The following CILP2 variants were observed in gnomAD, a reference collection of about 807,000 sequenced individuals.
The protein encoded by CILP2 is cartilage intermediate layer protein 2, also known as CILP-2.
CILP2 carries 38 observed loss-of-function variants against 45.6 expected under a neutral mutation model. That is an observed-to-expected ratio of 0.83 (90% CI 0.64 to 1.09). The LOEUF (loss-of-function observed/expected upper bound fraction) is 1.09, where lower values mean the gene tolerates loss of function less well. CILP2 is among the 50% of genes least tolerant of loss of function. The pLI is 0.00. For synonymous variants in CILP2, 780 were observed against 723.5 expected (o/e 1.08, Z -1.25); for missense variants, 1,735 against 1,662.2 (o/e 1.04, Z -0.76).
rs755652073 is a variant in CILP2 at position 19,545,725 on chromosome 19, C to T, written c.3180C>T (p.Gly1060=). 1.3e-5 allele frequency: 21 copies of T among 1,613,032 alleles called. No individual in the cohort carries two copies. In the South Asian group the frequency reaches 1.3e-4, roughly 10 times the overall value. ...APLDPLGHNY[G]VYTVTDQSPR... is the part of the protein sequence containing the mutation. ...TAGACCCTCTGGGCCACAACTATGGCGTCTACACTGTCACTGACCAGAGCC... is the reference window on the plus strand; with the variant it reads ...TAGACCCTCTGGGCCACAACTATGGTGTCTACACTGTCACTGACCAGAGCC... Residue 1060 remains glycine (G), a synonymous_variant, in exon 8 of 8, where the codon GGC becomes GGT. Transcript: ENST00000291495.
At chr19:19,539,579 AAG>A in intron 1 of CILP2, 98 bp from the exon 2 acceptor site, 16 of 652,660 alleles carry the variant, frequency 2.5e-5, no homozygotes, top group South Asian at 6.8e-5. Context: ...AAAAAAAAAA[AAG>A]GGGGGGGATG....
intron 3 of CILP2, chr19:19,540,836 A>C: frequency 7.2e-6 from 3 of 414,298 alleles, no homozygotes; most frequent in Non-Finnish European, 1.3e-5. Flanking sequence ...TGCAGGATGC[A>C]GGGAGAAAAG....
Position 19,544,010 on chromosome 19 carries a change from C to G in CILP2, c.1465C>G (p.Arg489Gly), listed in dbSNP as rs1291921849. Residue 489 changes from arginine to glycine, a missense_variant, in exon 8 of 8, where the codon CGC becomes GGC. Transcript: ENST00000291495. ...VVAADSGEPL[R>G]FARILLGQEP... ...GGCTGCTGACTCCGGGGAGCCGCTA[C>G]GCTTCGCCAGGATTCTGCTGGGCCA... 6 of 1,613,614 alleles carry G rather than the reference C, an allele frequency of 3.7e-6. No homozygotes were observed. The highest frequency in any genetic ancestry group is 5.1e-6 in the Non-Finnish European group (6 of 1,179,844).
Position 19,546,000 on chromosome 19 carries a change from G to T in CILP2, c.3455G>T (p.Gly1152Val), listed in dbSNP as rs1367517065. Reference sequence around the variant, plus strand: ...TCAGGTCCCCTCCGCACCCGCCGGGGTAGGGTCCGGCAGTGACCTGGGCAG... The same window carrying T: ...TCAGGTCCCCTCCGCACCCGCCGGGTTAGGGTCCGGCAGTGACCTGGGCAG... Reference protein sequence around the residue: ...RASGPLRTRRGRVRQ With the variant: ...RASGPLRTRRVRVRQ Residue 1152 changes from glycine to valine, a missense_variant, in exon 8 of 8, where the codon GGT becomes GTT. Physicochemically the swap from Gly to Val is moderately radical, Grantham distance 109. Coordinates refer to ENST00000291495, the MANE Select transcript of CILP2 (RefSeq NM_153221.2). 21 of 1,493,370 alleles carry T rather than the reference G, an allele frequency of 1.4e-5. No homozygotes were observed. The highest frequency in any genetic ancestry group is 1.6e-5 in the Non-Finnish European group (18 of 1,122,234). 92.5% of individuals were successfully genotyped at this position (1,493,370 alleles called of 1,614,324 possible).
Position 19,540,315 on chromosome 19 carries a change from G to A in CILP2, c.275G>A (p.Arg92Gln), listed in dbSNP as rs1167751390. 2.5e-6 allele frequency: 4 copies of A among 1,580,914 alleles called. No homozygotes were observed. The highest frequency in any genetic ancestry group is 1.1e-5 in the South Asian group (1 of 88,088). The change falls in exon 3 of 8, where the codon CGA becomes CAA. Residue 92 changes from arginine to glutamine, a missense_variant. Coordinates refer to ENST00000291495, the MANE Select transcript of CILP2 (RefSeq NM_153221.2). ...TACGGGCCAGCGCGCGTGTGCCCGC[G>A]ACCGCTGGCGCTGGAAGCGCGCACC... Reference protein sequence around the residue: ...FYYGPARVCPRPLALEARTTD... With the variant: ...FYYGPARVCPQPLALEARTTD...
chr19:19,545,243 G>C lies in CILP2; in HGVS notation c.2698G>C (p.Ala900Pro). Residue 900 changes from alanine (A) to proline (P), a missense_variant, in exon 8 of 8, where the codon GCC (alanine) becomes CCC (proline). Transcript: ENST00000291495. ...GGTGACTGCCAGCCACTTCCGCTTCGCCAGGGTGGAGGCGGACAAGTACGA... is the reference window on the plus strand; with the variant it reads ...GGTGACTGCCAGCCACTTCCGCTTCCCCAGGGTGGAGGCGGACAAGTACGA... ...APVTASHFRF[A>P]RVEADKYEYN... 1 of 1,612,374 alleles carries C rather than the reference G, an allele frequency of 6.2e-7. No individual in the cohort carries two copies. Among genetic ancestry groups the C allele is most frequent in the Non-Finnish European group, 8.5e-7 (1 of 1,179,512 alleles).
chr19:19,538,306 A>T lies in CILP2; in HGVS notation c.-44A>T, dbSNP rs1484818115. 3.3e-6 allele frequency: 5 copies of T among 1,534,128 alleles called. No individual in the cohort carries two copies. The stretch of plus-strand genomic sequence containing the variant: ...AGACCCGCCGGAGTTGGACCCGAGC[A>T]CGCCGCGGAGCCCGGACCCTCCCTC... On this transcript the variant is annotated 5_prime_UTR_variant, in exon 1 of 8. Transcript: ENST00000291495.
rs147927361 is a variant in CILP2 at position 19,543,318 on chromosome 19, C to T, written c.1048C>T (p.Arg350Cys). The T allele has an allele frequency of 1.1e-4, 184 of 1,613,570 alleles. No homozygotes were observed. The highest frequency in any genetic ancestry group is 1.4e-4 in the Non-Finnish European group (164 of 1,179,996). ...YGAHLELRGLRPDQAGIYHCK... is the reference protein window; with the variant it reads ...YGAHLELRGLCPDQAGIYHCK... ...GGCCCACCTGGAGCTGCGGGGACTGCGCCCAGACCAGGCTGGCATCTACCA... is the reference window on the plus strand; with the variant it reads ...GGCCCACCTGGAGCTGCGGGGACTGTGCCCAGACCAGGCTGGCATCTACCA... Residue 350 changes from arginine (R) to cysteine (C), a missense_variant, in exon 7 of 8, where the codon CGC (arginine) becomes TGC (cysteine). Transcript: ENST00000291495.
chr19:19,545,641 C>T lies in CILP2; in HGVS notation c.3096C>T (p.Thr1032=). Residue 1032 remains threonine (T), a synonymous_variant, in exon 8 of 8, where the codon ACC becomes ACT. Coordinates refer to ENST00000291495, the MANE Select transcript of CILP2 (RefSeq NM_153221.2). ...AVNGLLRDYL[T]RHPPPVPAED... ...ACGGACTCCTTCGGGATTACCTGAC[C>T]CGGCACCCCCCACCGGTGCCCGCGG... 1.9e-6 allele frequency: 3 copies of T among 1,608,148 alleles called. No homozygotes were observed. Among genetic ancestry groups the T allele is most frequent in the Non-Finnish European group, 1.7e-6 (2 of 1,177,110 alleles).
In CILP2 at chr19:19,542,556, C is replaced by T. The variant is rs1452417470; in HGVS notation, c.774C>T (p.Asn258=). The T allele has an allele frequency of 1.9e-6, 3 of 1,614,122 alleles. No homozygotes were observed. The South Asian group carries it at 3.3e-5, about 18-fold the overall frequency. ...VPGVCADSRA[N]IRAQMDGFSA... ...GTGTCTGTGCTGACAGCCGCGCCAA[C>T]ATCAGGGCCCAGATGGATGGCTTCT... is the stretch of plus-strand genomic sequence containing the variant. The change falls in exon 5 of 8, where the codon AAC becomes AAT. Residue 258 remains asparagine (N), a synonymous_variant. Coordinates refer to ENST00000291495, the MANE Select transcript of CILP2 (RefSeq NM_153221.2).
intron 4 of CILP2, 76 bp downstream of exon 4, chr19:19,541,322 A>G: frequency 8.4e-7 from 1 of 1,197,030 alleles, no homozygotes; most frequent in South Asian, 3.8e-5. Flanking sequence ...AGCCTGGGAG[A>G]GAGGGTGGAG....
chr19:19,544,687 C>T lies in CILP2; in HGVS notation c.2142C>T (p.Phe714=). 1 of 1,579,826 alleles carries T rather than the reference C, an allele frequency of 6.3e-7. No individual in the cohort carries two copies. Among genetic ancestry groups the T allele is most frequent in the Non-Finnish European group, 8.6e-7 (1 of 1,168,608 alleles). The change falls in exon 8 of 8, where the codon TTC becomes TTT. Residue 714 remains phenylalanine (F), a synonymous_variant. Transcript: ENST00000291495. ...GPRVRREERV[F]LVGNVEIRER... ...GGGTGCGCCGGGAGGAGCGCGTCTTCCTGGTGGGCAACGTGGAGATCCGGG... is the reference window on the plus strand; with the variant it reads ...GGGTGCGCCGGGAGGAGCGCGTCTTTCTGGTGGGCAACGTGGAGATCCGGG...
Position 19,545,079 on chromosome 19 carries a change from GTCGGACGGACCACGACGA to G in CILP2, c.2537_2554del (p.Arg846_Asp851del). 6.2e-7 allele frequency: 1 copy of G among 1,610,148 alleles called. No individual in the cohort carries two copies. The highest frequency in any genetic ancestry group is 1.1e-5 in the South Asian group (1 of 90,860). Reference sequence around the variant, plus strand: ...CCCTACCTGGACAGGCTGGGGTACCGTCGGACGGACCACGACGATCCCGCCTTCAAGCGTAACGGCTTC... The same window carrying G: ...CCCTACCTGGACAGGCTGGGGTACCGTCCCGCCTTCAAGCGTAACGGCTTC... On this transcript the variant is annotated inframe_deletion, in exon 8 of 8. Coordinates refer to ENST00000291495, the MANE Select transcript of CILP2 (RefSeq NM_153221.2).
intron 1 of CILP2, 52 bp from the exon 2 acceptor site, chr19:19,539,627 G>A: frequency 7.6e-7 from 1 of 1,317,296 alleles, no homozygotes; most frequent in Non-Finnish European, 1.0e-6. Context: ...GAGGCTCCCA[G>A]CGGTCCCCAT....
In CILP2 at chr19:19,545,402, G is replaced by T. The variant is rs760600964; in HGVS notation, c.2857G>T (p.Val953Phe). The change falls in exon 8 of 8, where the codon GTC (valine) becomes TTC (phenylalanine). Residue 953 changes from valine (V) to phenylalanine (F), a missense_variant. By Grantham distance (50) the Val-to-Phe change is conservative. Coordinates refer to ENST00000291495, the MANE Select transcript of CILP2 (RefSeq NM_153221.2). ...GATCCAGGGTCCCCAGGAGTATATGGTCCGCTCCCACAACGCAGGGGGCAG... is the reference window on the plus strand; with the variant it reads ...GATCCAGGGTCCCCAGGAGTATATGTTCCGCTCCCACAACGCAGGGGGCAG... ...VKIQGPQEYMVRSHNAGGSHP... is the reference protein window; with the variant it reads ...VKIQGPQEYMFRSHNAGGSHP... The T allele has an allele frequency of 6.2e-7, 1 of 1,612,742 alleles. No homozygotes were observed. The highest frequency in any genetic ancestry group is 8.5e-7 in the Non-Finnish European group (1 of 1,179,868).
Position 19,544,847 on chromosome 19 carries a change from G to A in CILP2, c.2302G>A (p.Ala768Thr), listed in dbSNP as rs1555730430. ...VVVTLVNLEPAPGFSANPRAW... is the reference protein window; with the variant it reads ...VVVTLVNLEPTPGFSANPRAW... ...GGTCACGCTGGTCAATCTGGAGCCC[G>A]CCCCCGGCTTCTCCGCCAACCCCCG... Residue 768 changes from alanine (A) to threonine (T), a missense_variant, in exon 8 of 8, where the codon GCC becomes ACC. Transcript: ENST00000291495. 5.0e-6 allele frequency: 8 copies of A among 1,598,168 alleles called. No homozygotes were observed. Among genetic ancestry groups the A allele is most frequent in the South Asian group, 3.3e-5 (3 of 90,748 alleles).
In CILP2 at chr19:19,542,415, C is replaced by T. The variant is rs774274936; in HGVS notation, c.633C>T (p.Leu211=). The change falls in exon 5 of 8, where the codon CTC becomes CTT. Residue 211 remains leucine (L), a synonymous_variant. Coordinates refer to ENST00000291495, the MANE Select transcript of CILP2 (RefSeq NM_153221.2). ...LDTCECPDHI[L]LGSVVTPSGQ... is the part of the protein sequence containing the mutation. ...CCTGTGAATGCCCGGACCACATCCT[C>T]CTGGGCTCGGTGGTCACCCCATCTG... The T allele has an allele frequency of 1.2e-6, 2 of 1,612,408 alleles. No individual in the cohort carries two copies. Among genetic ancestry groups the T allele is most frequent in the Non-Finnish European group, 1.7e-6 (2 of 1,179,966 alleles).
Position 19,540,286 on chromosome 19 carries a change from C to A in CILP2, c.246C>A (p.Phe82Leu). The change falls in exon 3 of 8, where the codon TTC (phenylalanine) becomes TTA (leucine). Residue 82 changes from phenylalanine to leucine, a missense_variant. Coordinates refer to ENST00000291495, the MANE Select transcript of CILP2 (RefSeq NM_153221.2). ...TCGAGAGCCTGGCTGCCATCCGCTT[C>A]TACTACGGGCCAGCGCGCGTGTGCC... ...GDFESLAAIR[F>L]YYGPARVCPR... The A allele has an allele frequency of 6.3e-7, 1 of 1,597,652 alleles. No individual in the cohort carries two copies. Among genetic ancestry groups the A allele is most frequent in the Non-Finnish European group, 8.5e-7 (1 of 1,175,434 alleles).
Position 19,546,101 on chromosome 19 carries a change from C to G in CILP2, c.*85C>G. 3.4e-6 allele frequency: 4 copies of G among 1,190,074 alleles called. No homozygotes were observed. The highest frequency in any genetic ancestry group is 4.4e-6 in the Non-Finnish European group (4 of 906,614). 73.7% of individuals were successfully genotyped at this position (1,190,074 alleles called of 1,614,324 possible). The stretch of plus-strand genomic sequence containing the variant: ...TGCCCCTCCTTCTTCTCCAGACAGC[C>G]CCCTCCCCAGGTGTCTGGGTCCCCT... On this transcript the variant is annotated 3_prime_UTR_variant, in exon 8 of 8. Coordinates refer to ENST00000291495, the MANE Select transcript of CILP2 (RefSeq NM_153221.2).
Sources: allele counts gnomAD v4.1 joint callset, GRCh38; gene constraint gnomAD v4.1.1; transcripts MANE v1.5; gene names NCBI Gene and HGNC (gene_info 2026-07-23, HGNC 2026-07-21).